Variants in ZNF827 observed in about 807,000 individuals in gnomAD.
The protein encoded by ZNF827 is zinc finger protein 827.
A neutral mutation model predicts 102.4 loss-of-function variants in ZNF827; 13 were observed. The observed-to-expected ratio is 0.13, with a 90% CI of 0.08 to 0.20. The LOEUF (loss-of-function observed/expected upper bound fraction) is 0.20. Among genes scored for constraint, ZNF827 ranks in the 10% least tolerant of loss-of-function variants. The pLI is 1.00. For synonymous variants in ZNF827, 523 were observed against 536.2 expected (o/e 0.98, Z 0.34); for missense variants, 1,103 against 1,344.4 (o/e 0.82, Z 2.81).
At chr4:145,776,466 A>C (rs575182910) in intron 9 of ZNF827, among the ~76,000 whole-genome samples, 1 of 138,234 alleles carries the variant, frequency 7.2e-6, no homozygotes, top group Admixed American at 7.3e-5. Flanking sequence ...GTTTCAAAAA[A>C]AAGAAAAAAA....
Position 145,805,740 on chromosome 4 carries a change from C to T in ZNF827, c.2383+17682G>A, listed in dbSNP as rs116871741. Among the ~76,000 whole-genome samples, 357 of 152,198 alleles carry T rather than the reference C, an allele frequency of 2.3e-3. 17 individuals carry two copies. The East Asian group carries it at 0.054, about 23-fold the overall frequency. On this transcript the variant is annotated intron_variant, in intron 8 of 14. Transcript: ENST00000508784. ...ATGCTATTTCAGATGACCTGGGGGC[C>T]GGCTCCCTCCCTCCCCTCCAGCCTC...
chr4:145,766,617 C>T (rs1034369078), intron 11 of ZNF827, among the ~76,000 whole-genome samples: 1 of 152,092 alleles, frequency 6.6e-6, no homozygotes, highest in African/African-American at 2.4e-5. Context: ...AGGGGCAGCA[C>T]AGAAGAACAA....
At position 145,902,295 on chromosome 4, in the gene ZNF827, T is replaced by G. The variant is rs1437503209; in HGVS notation, c.964A>C (p.Lys322Gln). The change falls in exon 2 of 15, where the codon AAG becomes CAG. Residue 322 changes from lysine (K) to glutamine (Q), a missense_variant. Physicochemically the swap from Lys to Gln is moderately conservative, Grantham distance 53. Coordinates refer to ENST00000508784, the MANE Select transcript of ZNF827 (RefSeq NM_001306215.2). This position sits in a 1 kb window ranked among gnomAD's most constrained non-coding sequence, Gnocchi z 4.3. Reference protein sequence around the residue: ...EDPLPPPPSEKKPEKVTPPPP... With the variant: ...EDPLPPPPSEQKPEKVTPPPP... ...GGCGGAGTGACTTTTTCTGGTTTCT[T>G]CTCTGAAGGCGGGGGCGGTAGAGGG... The G allele has an allele frequency of 1.3e-6, 2 of 1,593,918 alleles. No homozygotes were observed. The highest frequency in any genetic ancestry group is 4.5e-5 in the East Asian group (2 of 44,800).
chr4:145,832,225 ACTGCACT>A (rs1410496530), intron 7 of ZNF827: 4 of 152,632 alleles, frequency 2.6e-5, no homozygotes, highest in Admixed American at 6.6e-5. Flanking sequence ...AGATTGTGCC[ACTGCACT>A]CCAGCCTGGG....
intron 9 of ZNF827, 114 bp downstream of exon 9, chr4:145,779,260 C>T (rs1579147124): frequency 1.6e-5 from 22 of 1,357,528 alleles, no homozygotes; most frequent in Non-Finnish European, 2.1e-5. Flanking sequence ...TTGAAAAGGT[C>T]AGCCATTCCC....
intron 8 of ZNF827, among the ~76,000 whole-genome samples, chr4:145,797,714 C>T (rs973402250): frequency 3.3e-5 from 5 of 152,098 alleles, no homozygotes; most frequent in Non-Finnish European, 2.9e-5. Context: ...TTCGTCAAGT[C>T]GTTGAATAAT....
At chr4:145,843,185 TATGGATAG>T (rs1745589427) in intron 7 of ZNF827, among the ~76,000 whole-genome samples, 1 of 150,074 alleles carries the variant, frequency 6.7e-6, no homozygotes, top group African/African-American at 2.5e-5. Context: ...GAGATCTATT[TATGGATAG>T]GCTAATCAAG....
At chr4:145,911,034 TG>T (rs1220188721) in intron 1 of ZNF827, among the ~76,000 whole-genome samples, 2 of 152,202 alleles carry the variant, frequency 1.3e-5, no homozygotes, top group African/African-American at 4.8e-5. Context: ...AAGAATAGGC[TG>T]AACAATCATA....
intron 7 of ZNF827, among the ~76,000 whole-genome samples, chr4:145,834,143 T>C (rs1321664890): frequency 6.6e-6 from 1 of 152,206 alleles, no homozygotes; most frequent in Non-Finnish European, 1.5e-5. Context: ...AACTCGACAG[T>C]AGTTCCAAAT....
chr4:145,933,647 G>C (rs1473150100), intron 1 of ZNF827, among the ~76,000 whole-genome samples: 4 of 152,114 alleles, frequency 2.6e-5, no homozygotes, highest in East Asian at 3.8e-4. Flanking sequence ...CAAAACAACT[G>C]CTTTATTAAC....
At chr4:145,856,521 C>T (rs376379685) in intron 5 of ZNF827, among the ~76,000 whole-genome samples, 3 of 152,132 alleles carry the variant, frequency 2.0e-5, no homozygotes, top group African/African-American at 7.2e-5. Flanking sequence ...TCTCCCTCCT[C>T]GACAAACTGG....
At position 145,823,504 on chromosome 4, in the gene ZNF827, T is replaced by C; in HGVS notation, c.2301A>G (p.Thr767=). The change falls in exon 8 of 15, where the codon ACA becomes ACG. Residue 767 remains threonine (T), a synonymous_variant. Transcript: ENST00000508784. ...TTTSPFFSED[T]FRQSPFTSNS... is the part of the protein sequence containing the mutation. ...TGGAGGTGAATGGTGATTGTCTAAATGTGTCTTCTGAAAAGAAAGGGCTGG... is the reference window on the plus strand; with the variant it reads ...TGGAGGTGAATGGTGATTGTCTAAACGTGTCTTCTGAAAAGAAAGGGCTGG... 6.2e-7 allele frequency: 1 copy of C among 1,612,644 alleles called. No homozygotes were observed.
At chr4:145,826,443 G>C (rs1234568328) in intron 7 of ZNF827, among the ~76,000 whole-genome samples, 1 of 152,148 alleles carries the variant, frequency 6.6e-6, no homozygotes, top group Non-Finnish European at 1.5e-5. Flanking sequence ...CCCTATGAGA[G>C]TAGCCACCAT....
At chr4:145,783,191 T>C (rs1317687202) in intron 8 of ZNF827, among the ~76,000 whole-genome samples, 1 of 152,212 alleles carries the variant, frequency 6.6e-6, no homozygotes, top group Non-Finnish European at 1.5e-5. Context: ...TATTTATTTG[T>C]GTATCCTCAG....
chr4:145,863,738 G>A (rs1374694777), intron 5 of ZNF827, among the ~76,000 whole-genome samples: 17 of 151,944 alleles, frequency 1.1e-4, no homozygotes, highest in African/African-American at 3.6e-4. Flanking sequence ...GGAGGTGGTG[G>A]GGATAGAGAG....
intron 8 of ZNF827, among the ~76,000 whole-genome samples, chr4:145,801,567 T>A (rs2127106390): frequency 6.6e-6 from 1 of 152,286 alleles, no homozygotes; most frequent in South Asian, 2.1e-4. Flanking sequence ...CCGTCACCTG[T>A]CCTGAGATGG....
chr4:145,909,539 T>C (rs1302231881), intron 1 of ZNF827, among the ~76,000 whole-genome samples: 1 of 152,218 alleles, frequency 6.6e-6, no homozygotes, highest in Non-Finnish European at 1.5e-5. Flanking sequence ...ACGCCTCTGA[T>C]TGGCCTGTTG....
chr4:145,932,784 A>G (rs185708598), intron 1 of ZNF827, among the ~76,000 whole-genome samples: 151 of 152,178 alleles, frequency 9.9e-4, no homozygotes, highest in African/African-American at 3.1e-3. Flanking sequence ...TGTATTTTAA[A>G]CCAACTTCTG....
In ZNF827 at chr4:145,938,604, TCTTTC is replaced by T. The variant is rs1371799377; in HGVS notation, c.-202_-198del. 2.0e-5 allele frequency: 11 copies of T among 544,250 alleles called. No homozygotes were observed. Among genetic ancestry groups the T allele is most frequent in the African/African-American group, 7.8e-5 (4 of 51,260 alleles). 33.7% of individuals were successfully genotyped at this position (544,250 alleles called of 1,614,324 possible). On this transcript the variant is annotated 5_prime_UTR_variant, in exon 1 of 15. Coordinates refer to ENST00000508784, the MANE Select transcript of ZNF827 (RefSeq NM_001306215.2). ...AGCCAGAAGAGGGGTTTTCTTCTTT[TCTTTC>T]CTTTCTTTTTTCCTTTTTTTTTTTT...
Sources: gnomAD v4.1 joint callset for allele counts (sites outside exome capture counted in the v4.1 genomes callset) on GRCh38, gnomAD v4.1.1 for gene constraint, Gnocchi (gnomAD v3.1) non-coding constraint, MANE v1.5 for transcripts, NCBI Gene and HGNC (gene_info 2026-07-23, HGNC 2026-07-21) for gene names.